The following P2RX5 variants were observed in gnomAD, a reference collection of about 807,000 sequenced individuals.
P2RX5 encodes the protein P2X purinoceptor 5.
Under a neutral mutation model 54.1 loss-of-function variants are expected in P2RX5, and 46 were observed. The ratio of observed to expected loss-of-function variants is 0.85; its 90% CI spans 0.67 to 1.09. The LOEUF (loss-of-function observed/expected upper bound fraction) is 1.09. P2RX5 is among the 50% of genes least tolerant of loss of function. The pLI is 0.00. For missense variants in P2RX5, 566 were observed against 549.8 expected, an observed-to-expected ratio of 1.03 and a Z score of -0.29; for synonymous variants, 226 against 226.4, an observed-to-expected ratio of 1.00 and a Z score of 0.02.
chr17:3,690,335 G>T, intron 5 of P2RX5, 92 bp downstream of exon 5: 2 of 1,177,332 alleles, frequency 1.7e-6, no homozygotes, highest in Non-Finnish European at 2.5e-6. Flanking sequence ...TCAGCGTGAG[G>T]CTCCCAGAGT....
chr17:3,709,127 T>C, the P2RX5 span, among the ~76,000 whole-genome samples: 5 of 152,202 alleles, frequency 3.3e-5, no homozygotes, highest in South Asian at 1.0e-3. Context: ...AATTTTTGCA[T>C]TTTTAGTAGA....
chr17:3,697,945 G>A (rs902961982), upstream of P2RX5, among the ~76,000 whole-genome samples: 6 of 152,090 alleles, frequency 3.9e-5, no homozygotes, highest in Admixed American at 3.9e-4. Context: ...AGCTCCCGGA[G>A]AGCAGGGACC....
At chr17:3,697,898 C>T (rs899071515), upstream of P2RX5, among the ~76,000 whole-genome samples, 2 of 152,144 alleles carry the variant, frequency 1.3e-5, no homozygotes, top group Non-Finnish European at 2.9e-5. Flanking sequence ...AGTAGGATCT[C>T]GTTGACTTAG....
upstream of P2RX5, among the ~76,000 whole-genome samples, chr17:3,701,106 G>A (rs2567869): frequency 0.39 from 59,373 of 152,100 alleles, 13,801 homozygotes; most frequent in South Asian, 0.6. Context: ...CTGTTGTTCC[G>A]TTGTTGTCTG....
At chr17:3,710,822 G>T in the P2RX5 span, among the ~76,000 whole-genome samples, 2 of 152,100 alleles carry the variant, frequency 1.3e-5, no homozygotes, top group East Asian at 3.9e-4. Flanking sequence ...CAGCTAATTA[G>T]GAAGCTGAGG....
rs561117249 is a variant in P2RX5, at chr17:3,683,587, G to A, written c.982-1609C>T. Among the ~76,000 whole-genome samples, 5 of 152,268 alleles carry A rather than the reference G, an allele frequency of 3.3e-5. No individual in the cohort carries two copies. In the South Asian group the frequency reaches 6.2e-4, roughly 19 times the overall value. ...CTCTACAAAAATACGAAAATTAACC[G>A]GGCGCGGTGGCGCACGCCTGTAATC... is the stretch of plus-strand genomic sequence containing the variant. On this transcript the variant is annotated intron_variant, in intron 9 of 11. Coordinates refer to ENST00000225328, the MANE Select transcript of P2RX5 (RefSeq NM_002561.4).
At chr17:3,677,563 A>T in intron 11 of P2RX5, 1 of 985,420 alleles carries the variant, frequency 1.0e-6, no homozygotes, top group Non-Finnish European at 1.2e-6. Context: ...AGCAACCATC[A>T]TTCTCGGCAG....
chr17:3,714,985 G>C, the P2RX5 span: 8 of 1,208,058 alleles, frequency 6.6e-6, no homozygotes, highest in African/African-American at 1.2e-4. Context: ...GCCAAAGATA[G>C]CCATCTGTTT....
chr17:3,675,390 G>A (rs1247323572), intron 11 of P2RX5: 6 of 985,144 alleles, frequency 6.1e-6, no homozygotes, highest in African/African-American at 1.7e-5. Flanking sequence ...CTATCCTCAG[G>A]TTCTGTGGCT....
At chr17:3,721,245 C>T in the P2RX5 span, among the ~76,000 whole-genome samples, 3 of 127,042 alleles carry the variant, frequency 2.4e-5, no homozygotes, top group Non-Finnish European at 5.0e-5. Context: ...TTTTATTTAA[C>T]GTAAGAGATT....
At chr17:3,699,870 A>G (rs1304561489), upstream of P2RX5, among the ~76,000 whole-genome samples, 1 of 27,094 alleles carries the variant, frequency 3.7e-5, no homozygotes, top group African/African-American at 6.4e-5. Context: ...AGAAAGAAAG[A>G]AAGAAAGGAA....
intron 11 of P2RX5, among the ~76,000 whole-genome samples, chr17:3,674,439 A>T (rs1288868004): frequency 6.6e-6 from 1 of 152,154 alleles, no homozygotes; most frequent in African/African-American, 2.4e-5. Context: ...AAAAGCAAGG[A>T]AACTGGAAGA....
chr17:3,681,534 G>C (rs1340247366), intron 10 of P2RX5, among the ~76,000 whole-genome samples: 1 of 152,150 alleles, frequency 6.6e-6, no homozygotes, highest in Non-Finnish European at 1.5e-5. Flanking sequence ...CGGCGCACCA[G>C]GACCACCAAG....
the P2RX5 span, among the ~76,000 whole-genome samples, chr17:3,712,184 A>C: frequency 9.9e-5 from 15 of 152,246 alleles, no homozygotes; most frequent in Admixed American, 9.8e-4. Context: ...CCACTGAAAC[A>C]ACCCAAGAGT....
Position 3,679,780 on chromosome 17 carries a change from G to T in P2RX5, c.1069C>A (p.Leu357Ile). The change falls in exon 11 of 12, where the codon CTA becomes ATA. Residue 357 changes from leucine to isoleucine, a missense_variant. Leu to Ile is a conservative substitution (Grantham distance 5). Transcript: ENST00000225328. ...RDKKYEEVRG[L>I]EDSSQEAEDE... ...TCGGCCTCCTGGGAACTGTCTTCTAGGCCCCTGGACAAGATACAAGCTGTT... is the reference window on the plus strand; with the variant it reads ...TCGGCCTCCTGGGAACTGTCTTCTATGCCCCTGGACAAGATACAAGCTGTT... The T allele has an allele frequency of 6.2e-7, 1 of 1,609,624 alleles. No individual in the cohort carries two copies. The highest frequency in any genetic ancestry group is 2.2e-5 in the East Asian group (1 of 44,886).
At position 3,688,633 on chromosome 17, in the gene P2RX5, T is replaced by C. The variant is rs759768082; in HGVS notation, c.880A>G (p.Asn294Asp). 3.1e-6 allele frequency: 5 copies of C among 1,614,128 alleles called. No individual in the cohort carries two copies. Among genetic ancestry groups the C allele is most frequent in the South Asian group, 2.2e-5 (2 of 91,088 alleles). The change falls in exon 8 of 12, where the codon AAC (asparagine) becomes GAC (aspartate). Residue 294 changes from asparagine to aspartate, a missense_variant. Transcript: ENST00000225328. Reference sequence around the variant, plus strand: ...GCACAAGGCAGCGGTTACCTGAAGTTGTACCCGGAGGAGACAGACTTTGAA... The same window carrying C: ...GCACAAGGCAGCGGTTACCTGAAGTCGTACCCGGAGGAGACAGACTTTGAA... ...KLSKSVSSGY[N>D]FRFARYYRDA...
intron 10 of P2RX5, 27 bp from the exon 11 acceptor site, chr17:3,679,811 G>T: frequency 2.5e-6 from 4 of 1,599,960 alleles, no homozygotes; most frequent in Non-Finnish European, 3.4e-6. Context: ...CTGTTCACCT[G>T]GGACGGCCCT....
the P2RX5 span, among the ~76,000 whole-genome samples, chr17:3,722,162 C>G: frequency 7.1e-6 from 1 of 141,768 alleles, no homozygotes; most frequent in Non-Finnish European, 1.5e-5. Context: ...AGCGAAACTC[C>G]GTCTTGAAAG....
At chr17:3,713,542 G>A in the P2RX5 span, among the ~76,000 whole-genome samples, 80,067 of 151,562 alleles carry the variant, frequency 0.53, 22,003 homozygotes, top group African/African-American at 0.64. Context: ...CCTGAAGTCA[G>A]GAGTTTGAGA....
Sources: allele counts gnomAD v4.1 joint callset (sites outside exome capture counted in the v4.1 genomes callset), GRCh38; gene constraint gnomAD v4.1.1; transcripts MANE v1.5; gene names NCBI Gene and HGNC (gene_info 2026-07-23, HGNC 2026-07-21).